The following RAB8B variants were observed in gnomAD, a reference collection of about 807,000 sequenced individuals.
The protein encoded by RAB8B is ras-related protein Rab-8B.
RAB8B carries 11 observed loss-of-function variants against 32.0 expected under a neutral mutation model. The ratio of observed to expected loss-of-function variants is 0.34; its 90% CI spans 0.22 to 0.57. The LOEUF is 0.57. Among genes scored for constraint, RAB8B ranks in the 20% least tolerant of loss-of-function variants. RAB8B has a pLI of 0.86. For missense variants in RAB8B, 190 were observed against 258.5 expected (o/e 0.73, Z 1.82); for synonymous variants, 103 against 89.6 (o/e 1.15, Z -0.85).
At chr15:63,199,969 T>G (rs1412900552) in intron 1 of RAB8B, among the ~76,000 whole-genome samples, 1 of 152,218 alleles carries the variant, frequency 6.6e-6, no homozygotes, top group Non-Finnish European at 1.5e-5. Flanking sequence ...AAGTTATCTC[T>G]TAATTCTTAT....
At chr15:63,261,544 T>G (rs2038203479) in intron 6 of RAB8B, among the ~76,000 whole-genome samples, 2 of 152,146 alleles carry the variant, frequency 1.3e-5, no homozygotes, top group Non-Finnish European at 2.9e-5. Context: ...TCCCATAATT[T>G]GCAACAGTAT....
At chr15:63,249,115 A>G (rs1318580149) in intron 2 of RAB8B, among the ~76,000 whole-genome samples, 4 of 152,174 alleles carry the variant, frequency 2.6e-5, no homozygotes, top group Non-Finnish European at 5.9e-5. Context: ...CCAGGTCCCC[A>G]TGAAATCATG....
At chr15:63,214,104 G>C (rs758492307) in intron 1 of RAB8B, among the ~76,000 whole-genome samples, 6 of 151,808 alleles carry the variant, frequency 4.0e-5, no homozygotes, top group East Asian at 1.9e-4. Flanking sequence ...AAGTGGTTTC[G>C]TTTGCTATAC....
At chr15:63,245,212 C>T (rs2038061592) in intron 2 of RAB8B, among the ~76,000 whole-genome samples, 1 of 152,226 alleles carries the variant, frequency 6.6e-6, no homozygotes, top group African/African-American at 2.4e-5. Flanking sequence ...AGGATGCCTC[C>T]AAATTGAGGG....
intron 1 of RAB8B, among the ~76,000 whole-genome samples, chr15:63,239,192 G>A (rs2038010069): frequency 6.6e-6 from 1 of 152,124 alleles, no homozygotes; most frequent in South Asian, 2.1e-4. Flanking sequence ...ATTTGCAGCT[G>A]AAAGCATCCT....
chr15:63,231,848 A>G (rs150208155), intron 1 of RAB8B, among the ~76,000 whole-genome samples: 148 of 152,320 alleles, frequency 9.7e-4, no homozygotes, highest in Non-Finnish European at 1.7e-3. Flanking sequence ...ACTTTATTGA[A>G]GGTACAACAT....
At chr15:63,237,469 C>T (rs2037990566) in intron 1 of RAB8B, among the ~76,000 whole-genome samples, 1 of 152,144 alleles carries the variant, frequency 6.6e-6, no homozygotes, top group African/African-American at 2.4e-5. Flanking sequence ...TTTTCATTTG[C>T]ATTTCTCTGA....
rs759718137 is a variant in RAB8B at position 63,256,603 on chromosome 15, G to A, written c.414+9G>A. The A allele has an allele frequency of 8.4e-6, 13 of 1,551,236 alleles. No individual in the cohort carries two copies. The South Asian group carries it at 1.5e-4, about 18-fold the overall frequency. On this transcript the variant is annotated intron_variant, in intron 5 of 7. Coordinates refer to ENST00000321437, the MANE Select transcript of RAB8B (RefSeq NM_016530.3). ...AAGAAAGAGGGGAGAAGGTAAATGT[G>A]AATGGAATGGATAAAGGTTGGAATC...
At chr15:63,214,552 A>T (rs2037776210) in intron 1 of RAB8B, among the ~76,000 whole-genome samples, 2 of 152,016 alleles carry the variant, frequency 1.3e-5, no homozygotes. Context: ...ACGGCTTCTC[A>T]CTTGATCTTA....
chr15:63,221,353 T>A (rs1487432748), intron 1 of RAB8B, among the ~76,000 whole-genome samples: 2 of 152,170 alleles, frequency 1.3e-5, no homozygotes, highest in Non-Finnish European at 2.9e-5. Flanking sequence ...GGATTATAAA[T>A]AACTAATGAA....
At chr15:63,200,475 A>C (rs551173272) in intron 1 of RAB8B, among the ~76,000 whole-genome samples, 1 of 152,364 alleles carries the variant, frequency 6.6e-6, no homozygotes, top group Non-Finnish European at 1.5e-5. Context: ...ATTTTCAAAT[A>C]GTCTCATTTA....
chr15:63,231,146 T>A (rs1301757752), intron 1 of RAB8B, among the ~76,000 whole-genome samples: 1 of 152,256 alleles, frequency 6.6e-6, no homozygotes, highest in Non-Finnish European at 1.5e-5. Context: ...TTAACCCTGG[T>A]TATTATCTGA....
chr15:63,229,239 C>T (rs533186593), intron 1 of RAB8B, among the ~76,000 whole-genome samples: 4 of 152,282 alleles, frequency 2.6e-5, no homozygotes, highest in Admixed American at 1.3e-4. Context: ...TATTTCTATG[C>T]ATGCCTAAGA....
intron 1 of RAB8B, among the ~76,000 whole-genome samples, chr15:63,219,117 G>T (rs565971907): frequency 7.0e-6 from 1 of 143,472 alleles, no homozygotes; most frequent in Non-Finnish European, 1.5e-5. Context: ...TGGCCAACAC[G>T]GTGAAACCCC....
At chr15:63,226,600 C>T (rs1019846167) in intron 1 of RAB8B, among the ~76,000 whole-genome samples, 10 of 152,154 alleles carry the variant, frequency 6.6e-5, no homozygotes, top group Admixed American at 1.3e-4. Context: ...CTAAAATGGC[C>T]AGCGTCATTT....
At chr15:63,253,489 C>A (rs532702033) in intron 3 of RAB8B, among the ~76,000 whole-genome samples, 6 of 151,954 alleles carry the variant, frequency 3.9e-5, no homozygotes, top group Admixed American at 2.6e-4. Flanking sequence ...AGTTCTAGTA[C>A]CCTTACGGAA....
chr15:63,220,016 T>C (rs1342045548), intron 1 of RAB8B, among the ~76,000 whole-genome samples: 1 of 152,258 alleles, frequency 6.6e-6, no homozygotes, highest in Non-Finnish European at 1.5e-5. Flanking sequence ...GTTGTCCAAG[T>C]GTTAAGAAAA....
At chr15:63,232,076 AT>A (rs2037940819) in intron 1 of RAB8B, among the ~76,000 whole-genome samples, 2 of 152,132 alleles carry the variant, frequency 1.3e-5, no homozygotes, top group Non-Finnish European at 2.9e-5. Flanking sequence ...GTGTTTCCTA[AT>A]TGTTTCTGCA....
intron 1 of RAB8B, among the ~76,000 whole-genome samples, chr15:63,223,533 T>A (rs1372948018): frequency 6.6e-6 from 1 of 152,248 alleles, no homozygotes; most frequent in Non-Finnish European, 1.5e-5. Flanking sequence ...TAGCATACTA[T>A]ATAAGTTTGT....
Sources: allele counts gnomAD v4.1 joint callset (sites outside exome capture counted in the v4.1 genomes callset), GRCh38; gene constraint gnomAD v4.1.1; transcripts MANE v1.5; gene names NCBI Gene and HGNC (gene_info 2026-07-23, HGNC 2026-07-21).